The following CNTN5 variants were observed in gnomAD, a reference collection of about 807,000 sequenced individuals.
CNTN5 encodes the protein contactin-5.
A neutral mutation model predicts 129.1 loss-of-function variants in CNTN5; 77 were observed. The observed-to-expected ratio is 0.60, with a 90% CI of 0.50 to 0.72. The LOEUF (loss-of-function observed/expected upper bound fraction) is 0.72. CNTN5 is among the 30% of genes least tolerant of loss of function. The pLI is 0.00. For missense variants in CNTN5, 1,478 were observed against 1,328.8 expected, an observed-to-expected ratio of 1.11 and a Z score of -1.75; for synonymous variants, 509 against 465.6, an observed-to-expected ratio of 1.09 and a Z score of -1.20.
rs141372823 is a variant in CNTN5, at chr11:100,086,362, A to G, written c.1580+12068A>G. On this transcript the variant is annotated intron_variant, in intron 13 of 24. Transcript: ENST00000524871. ...ACGAGCTAGCAAGAAGCTAGAAGGA[A>G]ACTTCTGGTATCAAAACAATAAAAA... Among the ~76,000 whole-genome samples, 64 of 151,062 alleles carry G rather than the reference A, an allele frequency of 4.2e-4. 1 individual carries two copies. The highest frequency in any genetic ancestry group is 1.5e-3 in the African/African-American group (62 of 41,460).
intron 1 of CNTN5, among the ~76,000 whole-genome samples, chr11:99,158,121 A>G (rs1860423960): frequency 6.6e-6 from 1 of 152,126 alleles, no homozygotes. Flanking sequence ...GTGGGCATGA[A>G]TTTTAGAGTC....
At chr11:100,051,347 T>C (rs114879034) in intron 9 of CNTN5, among the ~76,000 whole-genome samples, 2,062 of 151,994 alleles carry the variant, frequency 0.014, 46 homozygotes, top group African/African-American at 0.046. Flanking sequence ...AAAGAATACT[T>C]TAAAAATCAC....
At chr11:99,689,619 A>G (rs1389569198) in intron 3 of CNTN5, among the ~76,000 whole-genome samples, 9 of 149,678 alleles carry the variant, frequency 6.0e-5, no homozygotes. Context: ...AATAATCACC[A>G]TTCTAACTGG....
chr11:100,204,807 G>T (rs1431017691), intron 15 of CNTN5, among the ~76,000 whole-genome samples: 2 of 151,966 alleles, frequency 1.3e-5, no homozygotes, highest in Non-Finnish European at 2.9e-5. Context: ...TAGTTTTCAT[G>T]TTGAAGAAAT....
intron 13 of CNTN5, among the ~76,000 whole-genome samples, chr11:100,083,253 G>A (rs1456781888): frequency 6.6e-6 from 1 of 150,784 alleles, no homozygotes; most frequent in African/African-American, 2.4e-5. Context: ...GGAGGCAGAG[G>A]TTGCAGTAAG....
chr11:99,756,707 C>A lies in CNTN5; in HGVS notation c.56-62837C>A, dbSNP rs78398511. 5.3e-5 allele frequency among the ~76,000 whole-genome samples: 8 copies of A among 151,972 alleles called. No homozygotes were observed. The East Asian group carries it at 1.5e-3, about 29-fold the overall frequency. On this transcript the variant is annotated intron_variant, in intron 3 of 24. Coordinates refer to ENST00000524871, the MANE Select transcript of CNTN5 (RefSeq NM_014361.4). ...ATTTAAACTTTACAATTTTGCAGAT[C>A]TTATAGATGTACTTTCACTAACTCT...
chr11:99,515,719 C>T (rs1317195996), intron 2 of CNTN5, among the ~76,000 whole-genome samples: 1 of 151,816 alleles, frequency 6.6e-6, no homozygotes, highest in East Asian at 1.9e-4. Flanking sequence ...ACCATAAATG[C>T]ATGTGTTTTC....
intron 3 of CNTN5, among the ~76,000 whole-genome samples, chr11:99,615,660 G>A (rs1235557381): frequency 6.6e-6 from 1 of 151,878 alleles, no homozygotes; most frequent in Non-Finnish European, 1.5e-5. Flanking sequence ...TACCCCTACT[G>A]GTATTAATAG....
At chr11:100,183,975 G>A (rs17094535) in intron 13 of CNTN5, among the ~76,000 whole-genome samples, 4,587 of 151,964 alleles carry the variant, frequency 0.03, 231 homozygotes, top group African/African-American at 0.1. Context: ...TTGTCCTTCC[G>A]ACCTCAGGAT....
chr11:99,282,374 TA>T (rs1316936900), intron 1 of CNTN5, among the ~76,000 whole-genome samples: 4 of 151,938 alleles, frequency 2.6e-5, no homozygotes, highest in Non-Finnish European at 4.4e-5. Context: ...AGTTGAGACG[TA>T]AAAATTCACA....
intron 15 of CNTN5, among the ~76,000 whole-genome samples, chr11:100,198,790 A>G (rs1307267921): frequency 1.3e-5 from 2 of 151,938 alleles, no homozygotes; most frequent in Non-Finnish European, 2.9e-5. Flanking sequence ...TGAGACTCAT[A>G]AGGAAACATG....
intron 2 of CNTN5, among the ~76,000 whole-genome samples, chr11:99,543,250 T>G (rs1474314448): frequency 6.6e-6 from 1 of 152,200 alleles, no homozygotes; most frequent in Non-Finnish European, 1.5e-5. Flanking sequence ...TTTCTGCAAA[T>G]GAACAATAGC....
At chr11:99,696,027 TA>T (rs1477028360) in intron 3 of CNTN5, among the ~76,000 whole-genome samples, 4 of 152,068 alleles carry the variant, frequency 2.6e-5, no homozygotes, top group Non-Finnish European at 4.4e-5. Context: ...TTACATTTCA[TA>T]TATTTAATTA....
rs1184602946 is a variant in CNTN5, at chr11:99,440,019, T to G, written c.-71+114535T>G. Among the ~76,000 whole-genome samples the G allele has an allele frequency of 2.0e-5, 3 of 152,278 alleles. No individual in the cohort carries two copies. In the East Asian group the frequency reaches 5.8e-4, roughly 29 times the overall value. The stretch of plus-strand genomic sequence containing the variant: ...GGTAAATGTTAAAGCATTAAGATGA[T>G]TGAATACCATAATGAATGCATTAGT... On this transcript the variant is annotated intron_variant, in intron 2 of 24. Transcript: ENST00000524871.
At chr11:99,552,195 C>T (rs1373602248) in intron 2 of CNTN5, among the ~76,000 whole-genome samples, 9 of 150,670 alleles carry the variant, frequency 6.0e-5, no homozygotes, top group African/African-American at 1.2e-4. Flanking sequence ...ACATGAGCTA[C>T]GCACCTGGTC....
intron 3 of CNTN5, among the ~76,000 whole-genome samples, chr11:99,717,025 A>G (rs143458151): frequency 2.1e-4 from 32 of 152,160 alleles, no homozygotes; most frequent in African/African-American, 4.6e-4. Flanking sequence ...TGAAATTACA[A>G]TTGGGCATTC....
chr11:100,197,146 C>T (rs900315687), intron 15 of CNTN5, among the ~76,000 whole-genome samples: 2 of 151,830 alleles, frequency 1.3e-5, no homozygotes, highest in Admixed American at 6.6e-5. Flanking sequence ...AGAGCGAGCA[C>T]GTTGGGCAAA....
At chr11:99,587,854 T>A (rs2135652623) in intron 3 of CNTN5, among the ~76,000 whole-genome samples, 1 of 152,338 alleles carries the variant, frequency 6.6e-6, no homozygotes, top group Non-Finnish European at 1.5e-5. Context: ...AATGGGTTCA[T>A]GCTGAGTGAC....
At chr11:99,614,358 C>T (rs529307097) in intron 3 of CNTN5, among the ~76,000 whole-genome samples, 2 of 152,274 alleles carry the variant, frequency 1.3e-5, no homozygotes, top group Admixed American at 6.5e-5. Flanking sequence ...ACATGGTTTT[C>T]TCAAGTTCAA....
Sources: gnomAD v4.1 joint callset for allele counts (sites outside exome capture counted in the v4.1 genomes callset) on GRCh38, gnomAD v4.1.1 for gene constraint, MANE v1.5 for transcripts, NCBI Gene and HGNC (gene_info 2026-07-23, HGNC 2026-07-21) for gene names.